MEGF11: variants seen among roughly 807,000 people sequenced by gnomAD.
MEGF11 encodes the protein multiple EGF like domains 11.
Under a neutral mutation model 146.6 loss-of-function variants are expected in MEGF11, and 126 were observed. The observed-to-expected ratio is 0.86, with a 90% CI of 0.74 to 1.00. The LOEUF is 1.00. MEGF11 is among the 50% of genes least tolerant of loss of function. MEGF11 has a pLI of 0.00. For synonymous variants in MEGF11, 532 were observed against 583.4 expected, an observed-to-expected ratio of 0.91 and a Z score of 1.27; for missense variants, 1,509 against 1,521.2, an observed-to-expected ratio of 0.99 and a Z score of 0.13.
At chr15:65,961,770 C>T (rs1410438092) in intron 9 of MEGF11, among the ~76,000 whole-genome samples, 1 of 152,168 alleles carries the variant, frequency 6.6e-6, no homozygotes, top group Non-Finnish European at 1.5e-5. Flanking sequence ...CTTTTTCTGC[C>T]TAGGAAAGAT....
chr15:65,967,849 CATG>C (rs1435802280), intron 8 of MEGF11, among the ~76,000 whole-genome samples: 1 of 152,120 alleles, frequency 6.6e-6, no homozygotes, highest in Non-Finnish European at 1.5e-5. Context: ...CAGCAGGGAT[CATG>C]ATGACAACAC....
intron 5 of MEGF11, among the ~76,000 whole-genome samples, chr15:65,994,650 C>T (rs1054423601): frequency 3.0e-4 from 46 of 152,230 alleles, no homozygotes; most frequent in Admixed American, 1.0e-3. Flanking sequence ...AGAAGGGGGC[C>T]GTGGGCCAGG....
chr15:66,043,480 C>T (rs1184261490), intron 5 of MEGF11, among the ~76,000 whole-genome samples: 5 of 152,264 alleles, frequency 3.3e-5, no homozygotes, highest in African/African-American at 1.2e-4. Flanking sequence ...AGAGGCCCTT[C>T]GCCTGTGTGT....
intron 5 of MEGF11, among the ~76,000 whole-genome samples, chr15:66,082,514 T>C (rs202040729): frequency 8.7e-6 from 1 of 114,970 alleles, no homozygotes; most frequent in Admixed American, 9.9e-5. Flanking sequence ...TCTATCTATC[T>C]ATAAATAAAT....
intron 5 of MEGF11, among the ~76,000 whole-genome samples, chr15:65,988,064 G>C (rs980186548): frequency 6.8e-6 from 1 of 146,542 alleles, no homozygotes; most frequent in Middle Eastern, 3.5e-3. Flanking sequence ...CTGGAGTGCA[G>C]TGGTGCGATA....
chr15:66,008,409 G>GCACACACACACA (rs1227561238), intron 5 of MEGF11, among the ~76,000 whole-genome samples: 1 of 46,576 alleles, frequency 2.1e-5, no homozygotes, highest in African/African-American at 6.0e-5. Flanking sequence ...ACACGCGCGC[G>GCACACACACACA]CGCACACACA....
intron 1 of MEGF11, among the ~76,000 whole-genome samples, chr15:66,236,703 C>T (rs868617807): frequency 6.6e-6 from 1 of 152,130 alleles, no homozygotes; most frequent in African/African-American, 2.4e-5. Context: ...AGTGAGCCTC[C>T]GTGCCTCCTG....
intron 5 of MEGF11, among the ~76,000 whole-genome samples, chr15:66,082,456 AAAAAAAAAAAATCTATC>A (rs2085906164): frequency 9.1e-6 from 1 of 110,008 alleles, no homozygotes; most frequent in South Asian, 3.2e-4. Context: ...AAAAAAAAAA[AAAAAAAAAAAATCTATC>A]TATCTATCTA....
rs770452627 is a variant in MEGF11, at chr15:65,913,930, G to A, written c.2517C>T (p.Ser839=). The A allele has an allele frequency of 1.9e-6, 3 of 1,614,018 alleles. No individual in the cohort carries two copies. The highest frequency in any genetic ancestry group is 1.1e-5 in the South Asian group (1 of 91,074). Residue 839 remains serine, a synonymous_variant, in exon 20 of 26, where the codon AGC becomes AGT. Transcript: ENST00000395614. ...AGTGCCGCTCTGCACCCAGTGCTGG[G>A]CTGATCTTGGTGTAGGGATTCAGCT... ...MEELNPYTKI[S]PALGAERHSV... is the part of the protein sequence containing the mutation.
Position 66,128,335 on chromosome 15 carries a change from C to G in MEGF11, c.69G>C (p.Glu23Asp). 1 of 1,524,676 alleles carries G rather than the reference C, an allele frequency of 6.6e-7. No homozygotes were observed. Among genetic ancestry groups the G allele is most frequent in the Non-Finnish European group, 8.8e-7 (1 of 1,134,628 alleles). The allele number at this position is 1,524,676 out of a possible 1,614,324, so 94.4% of individuals were successfully genotyped here. The change falls in exon 2 of 26, where the codon GAG becomes GAC. Residue 23 changes from glutamate to aspartate, a missense_variant. Coordinates refer to ENST00000395614, the MANE Select transcript of MEGF11 (RefSeq NM_001385028.1). ...CCCAGTGGCTGCACACGTTGGGGTC[C>G]TCGGGGTTCAGGGCAAGGGTGGCTT... ...FLQATLALNP[E>D]DPNVCSHWES... is the part of the protein sequence containing the mutation.
chr15:66,029,343 G>T (rs78254725), intron 5 of MEGF11, among the ~76,000 whole-genome samples: 2,199 of 152,318 alleles, frequency 0.014, 21 homozygotes, highest in Non-Finnish European at 0.023. Flanking sequence ...CCCACAGGAG[G>T]TAGGCTGAGC....
chr15:66,099,654 G>A (rs2086704344), intron 4 of MEGF11, among the ~76,000 whole-genome samples: 1 of 152,218 alleles, frequency 6.6e-6, no homozygotes. Flanking sequence ...ATTGCACAGA[G>A]TAAATGAGTT....
chr15:65,900,842 G>A (rs1425082907), intron 24 of MEGF11, among the ~76,000 whole-genome samples: 1 of 152,174 alleles, frequency 6.6e-6, no homozygotes, highest in Non-Finnish European at 1.5e-5. Flanking sequence ...GAGAGAAGGA[G>A]AAAACATCCT....
At chr15:66,108,892 C>T (rs2087238330) in intron 4 of MEGF11, among the ~76,000 whole-genome samples, 1 of 152,192 alleles carries the variant, frequency 6.6e-6, no homozygotes, top group South Asian at 2.1e-4. Context: ...TTCAGCTGGC[C>T]CAGGAAAACC....
At chr15:66,112,546 G>A (rs1397218360) in intron 4 of MEGF11, among the ~76,000 whole-genome samples, 1 of 152,210 alleles carries the variant, frequency 6.6e-6, no homozygotes, top group Non-Finnish European at 1.5e-5. Flanking sequence ...TAAGAGAATG[G>A]AAGAAAGGAG....
Position 66,019,196 on chromosome 15 carries a change from G to A in MEGF11, c.395-36708C>T, listed in dbSNP as rs537596397. Among the ~76,000 whole-genome samples, 4 of 152,266 alleles carry A rather than the reference G, an allele frequency of 2.6e-5. No homozygotes were observed. In the East Asian group the frequency reaches 7.7e-4, roughly 29 times the overall value. ...GTGGGAACCAGGAGCTTGACCTCCT[G>A]ACCCTTCCCTTCTGGGCCCTCAGTC... On this transcript the variant is annotated intron_variant, in intron 5 of 25. Transcript: ENST00000395614.
At position 65,922,426 on chromosome 15, in the gene MEGF11, G is replaced by A; in HGVS notation, c.1869C>T (p.Pro623=). The change falls in exon 15 of 26, where the codon CCC becomes CCT. Residue 623 remains proline, a synonymous_variant. Coordinates refer to ENST00000395614, the MANE Select transcript of MEGF11 (RefSeq NM_001385028.1). ...FYGHGCAQPC[P]LCVHSSRPCH... is the part of the protein sequence containing the mutation. ...AGGGCCTGCTGCTGTGCACGCAGAG[G>A]GGGCATGGCTGGGCGCAGCCGTGGC... 5 of 1,590,654 alleles carry A rather than the reference G, an allele frequency of 3.1e-6. No individual in the cohort carries two copies. In the South Asian group the frequency reaches 5.7e-5, roughly 18 times the overall value.
intron 5 of MEGF11, among the ~76,000 whole-genome samples, chr15:65,985,452 C>T (rs968045227): frequency 3.3e-5 from 5 of 152,030 alleles, no homozygotes; most frequent in South Asian, 2.1e-4. Context: ...GAATTTCCTT[C>T]GTTTGTTGGG....
At chr15:65,977,540 C>T (rs914517510) in intron 7 of MEGF11, among the ~76,000 whole-genome samples, 3 of 144,110 alleles carry the variant, frequency 2.1e-5, no homozygotes, top group Non-Finnish European at 3.0e-5. Context: ...AGTGCAATGG[C>T]GCAATCTTGG....
Sources: allele counts gnomAD v4.1 joint callset (sites outside exome capture counted in the v4.1 genomes callset), GRCh38; gene constraint gnomAD v4.1.1; transcripts MANE v1.5; gene names NCBI Gene and HGNC (gene_info 2026-07-23, HGNC 2026-07-21).